Variants in ATAD3A observed in about 807,000 individuals in gnomAD.
The protein encoded by ATAD3A is ATPase family AAA domain-containing protein 3A.
Under a neutral mutation model 73.8 loss-of-function variants are expected in ATAD3A, and 46 were observed. The observed-to-expected ratio is 0.62, with a 90% CI of 0.49 to 0.80. The LOEUF (loss-of-function observed/expected upper bound fraction) is 0.80, where lower values mean the gene tolerates loss of function less well. Among genes scored for constraint, ATAD3A ranks in the 30% least tolerant of loss-of-function variants. The pLI, the probability that ATAD3A is intolerant of heterozygous loss-of-function variation, is 0.00. For missense variants in ATAD3A, 705 were observed against 838.0 expected (o/e 0.84, Z 1.96); for synonymous variants, 319 against 350.0 (o/e 0.91, Z 0.99).
intron 1 of ATAD3A, among the ~76,000 whole-genome samples, chr1:1,513,991 A>C (rs1263758884): frequency 6.6e-6 from 1 of 151,738 alleles, no homozygotes; most frequent in Non-Finnish European, 1.5e-5. Flanking sequence ...TTATCCCAGA[A>C]CTGTCTGTGA....
chr1:1,530,966 G>A (rs937916700), intron 15 of ATAD3A, among the ~76,000 whole-genome samples: 1 of 151,892 alleles, frequency 6.6e-6, no homozygotes, highest in African/African-American at 2.4e-5. Flanking sequence ...GAGCAGCCTG[G>A]CCAACAAGGC....
chr1:1,518,666 TAC>T (rs113798902), intron 4 of ATAD3A, among the ~76,000 whole-genome samples: 1,301 of 41,064 alleles, frequency 0.032, 15 homozygotes, highest in East Asian at 0.076. Flanking sequence ...CCCGCACGGG[TAC>T]ACACACACAC....
At position 1,520,086 on chromosome 1, in the gene ATAD3A, G is replaced by A. The variant is rs562447748; in HGVS notation, c.515-55G>A. 13 of 1,563,336 alleles carry A rather than the reference G, an allele frequency of 8.3e-6. No homozygotes were observed. In the African/African-American group the frequency reaches 1.5e-4, roughly 18 times the overall value. On this transcript the variant is annotated intron_variant, in intron 5 of 15. Coordinates refer to ENST00000378756, the MANE Select transcript of ATAD3A (RefSeq NM_001170535.3). The surrounding 1 kb of genome is among the most constrained non-coding windows in gnomAD (Gnocchi z 4.0). ...GCGTGGGCCGGTCCACAGTGTGGGT[G>A]GAGGTGGACGCGCTGCACTGCATGG...
rs1195234862 is a variant in ATAD3A at position 1,520,727 on chromosome 1, C to T, written c.750+110C>T. On this transcript the variant is annotated intron_variant, in intron 7 of 15. Coordinates refer to ENST00000378756, the MANE Select transcript of ATAD3A (RefSeq NM_001170535.3). This position sits in a 1 kb window ranked among gnomAD's most constrained non-coding sequence, Gnocchi z 4.0. ...CGGCTCTGCACAGCCCTGTAGCTCTCCCAGCAGGGAGGAAGCCCACGTTGT... is the reference window on the plus strand; with the variant it reads ...CGGCTCTGCACAGCCCTGTAGCTCTTCCAGCAGGGAGGAAGCCCACGTTGT... 1.3e-6 allele frequency: 2 copies of T among 1,539,408 alleles called. No individual in the cohort carries two copies. The highest frequency in any genetic ancestry group is 2.3e-5 in the East Asian group (1 of 43,500).
Position 1,520,347 on chromosome 1 carries a change from C to T in ATAD3A, c.680+41C>T. The stretch of plus-strand genomic sequence containing the variant: ...GCCCGGGCCGGCCACAGATGGAGCC[C>T]CGCAGGTGTGAGTCGCTGGTCCCAG... On this transcript the variant is annotated intron_variant, in intron 6 of 15. Coordinates refer to ENST00000378756, the MANE Select transcript of ATAD3A (RefSeq NM_001170535.3). The surrounding 1 kb of genome is among the most constrained non-coding windows in gnomAD (Gnocchi z 4.0). The T allele has an allele frequency of 6.2e-7, 1 of 1,604,138 alleles. No individual in the cohort carries two copies.
intron 15 of ATAD3A, among the ~76,000 whole-genome samples, chr1:1,531,727 G>A (rs1158977025): frequency 1.3e-5 from 2 of 151,878 alleles, no homozygotes; most frequent in Non-Finnish European, 2.9e-5. Flanking sequence ...GCAGTGAGCC[G>A]AGATCGCACC....
chr1:1,527,771 C>T lies in ATAD3A; in HGVS notation c.1414C>T (p.His472Tyr). The T allele has an allele frequency of 1.2e-6, 2 of 1,613,958 alleles. No homozygotes were observed. The highest frequency in any genetic ancestry group is 1.7e-6 in the Non-Finnish European group (2 of 1,179,962). ...CAATGACCGCATCAATGAGATGGTC[C>T]ACTTCGACCTGCCAGGGCAGGAGGA... ...AINDRINEMV[H>Y]FDLPGQEERE... is the part of the protein sequence containing the mutation. The change falls in exon 14 of 16, where the codon CAC (histidine) becomes TAC (tyrosine). Residue 472 changes from histidine (H) to tyrosine (Y), a missense_variant. Physicochemically the swap from His to Tyr is moderately conservative, Grantham distance 83. This residue lies in a region of ATAD3A where 252 missense variants were observed against 278.5 expected (regional missense o/e 0.90). Coordinates refer to ENST00000378756, the MANE Select transcript of ATAD3A (RefSeq NM_001170535.3).
At chr1:1,513,195 T>C (rs1258843864) in intron 1 of ATAD3A, among the ~76,000 whole-genome samples, 13 of 152,348 alleles carry the variant, frequency 8.5e-5, no homozygotes, top group Non-Finnish European at 2.9e-5. Context: ...AATCAAGGGC[T>C]GGACTTCAGG....
chr1:1,530,160 A>C (rs541533772), intron 15 of ATAD3A, among the ~76,000 whole-genome samples: 3 of 152,200 alleles, frequency 2.0e-5, no homozygotes, highest in East Asian at 1.9e-4. Context: ...AGAGCCCCAG[A>C]TCTCAAACCC....
chr1:1,531,499 C>T (rs143365565), intron 15 of ATAD3A, among the ~76,000 whole-genome samples: 3,424 of 148,374 alleles, frequency 0.023, 129 homozygotes, highest in African/African-American at 0.08. Flanking sequence ...GCTGGACGGG[C>T]GCGGTGGCTC....
chr1:1,527,187 C>G, intron 13 of ATAD3A: 3 of 1,302,804 alleles, frequency 2.3e-6, no homozygotes, highest in Non-Finnish European at 3.0e-6. Flanking sequence ...CACGGAGGAT[C>G]AAGTCCTGCT....
chr1:1,531,527 A>C (rs1642033262), intron 15 of ATAD3A, among the ~76,000 whole-genome samples: 1 of 152,040 alleles, frequency 6.6e-6, no homozygotes, highest in Non-Finnish European at 1.5e-5. Flanking sequence ...TAATCCCAGC[A>C]CTTTGGGAGG....
rs763448437 is a variant in ATAD3A at position 1,529,211 on chromosome 1, C to T, written c.1506-12C>T. On this transcript the variant is annotated splice_polypyrimidine_tract_variant and intron_variant, in intron 14 of 15. Coordinates refer to ENST00000378756, the MANE Select transcript of ATAD3A (RefSeq NM_001170535.3). The stretch of plus-strand genomic sequence containing the variant: ...CTGCCTTGGCCGGCCCACTTGGGAA[C>T]TCCTTCCCCAGGCGCCTGAAGCTGG... 1 of 1,607,658 alleles carries T rather than the reference C, an allele frequency of 6.2e-7. No individual in the cohort carries two copies. Among genetic ancestry groups the T allele is most frequent in the South Asian group, 1.1e-5 (1 of 89,692 alleles).
At chr1:1,527,060 G>A (rs553212995) in intron 13 of ATAD3A, 10 of 762,940 alleles carry the variant, frequency 1.3e-5, no homozygotes, top group African/African-American at 1.1e-4. Context: ...GTGGGCTGCC[G>A]CCCAGAGGTC....
Position 1,520,005 on chromosome 1 carries a change from C to A in ATAD3A, c.515-136C>A. 5 of 1,437,372 alleles carry A rather than the reference C, an allele frequency of 3.5e-6. No homozygotes were observed. The highest frequency in any genetic ancestry group is 4.7e-6 in the Non-Finnish European group (5 of 1,074,472). The allele number at this position is 1,437,372 out of a possible 1,614,324, so 89.0% of individuals were successfully genotyped here. A position where few individuals can be genotyped will look rare whatever the true frequency, so the allele number is the denominator to read the frequency against. On this transcript the variant is annotated intron_variant, in intron 5 of 15. Coordinates refer to ENST00000378756, the MANE Select transcript of ATAD3A (RefSeq NM_001170535.3). This position sits in a 1 kb window ranked among gnomAD's most constrained non-coding sequence, Gnocchi z 4.0. ...GGGCCTGTCCATGGCGTGGGCCGGT[C>A]CGTGGCATGGGCCTGTCTGTGGCGT...
At position 1,517,186 on chromosome 1, in the gene ATAD3A, G is replaced by A. The variant is rs1619896; in HGVS notation, c.283-125G>A. ...GTGCAGATGCGGCTGGAAGCCCTGAGCCTGCTGCACACACTAGTCTGGGCA... is the reference window on the plus strand; with the variant it reads ...GTGCAGATGCGGCTGGAAGCCCTGAACCTGCTGCACACACTAGTCTGGGCA... On this transcript the variant is annotated intron_variant, in intron 2 of 15. Transcript: ENST00000378756. 0.014 allele frequency: 21,750 copies of A among 1,506,250 alleles called. 3,726 individuals carry two copies. In the East Asian group the frequency reaches 0.2, roughly 14 times the overall value. The allele number at this position is 1,506,250 out of a possible 1,614,324, so 93.3% of individuals were successfully genotyped here.
At chr1:1,533,595 T>G (rs1642108810) in intron 15 of ATAD3A, among the ~76,000 whole-genome samples, 1 of 152,132 alleles carries the variant, frequency 6.6e-6, no homozygotes, top group South Asian at 2.1e-4. Context: ...TGGCCACGGC[T>G]GAGACTCGCA....
At chr1:1,526,782 C>G (rs1366612514) in intron 13 of ATAD3A, among the ~76,000 whole-genome samples, 1 of 152,242 alleles carries the variant, frequency 6.6e-6, no homozygotes, top group Non-Finnish European at 1.5e-5. Flanking sequence ...GCGCCGCCGC[C>G]CCAGCTTGCA....
In ATAD3A at chr1:1,525,252, T is replaced by C. The variant is rs575132198; in HGVS notation, c.1227T>C (p.Phe409=). 6.3e-5 allele frequency: 101 copies of C among 1,613,846 alleles called. No individual in the cohort carries two copies. In the African/African-American group the frequency reaches 7.6e-4, roughly 12 times the overall value. The change falls in exon 12 of 16, where the codon TTT becomes TTC. Residue 409 remains phenylalanine (F), a synonymous_variant. Coordinates refer to ENST00000378756, the MANE Select transcript of ATAD3A (RefSeq NM_001170535.3). ...ANTSRRGLLL[F]VDEADAFLRK... ...CTCTCGTTCACAGCCTCCTGCTCTT[T>C]GTGGATGAAGCGGACGCCTTCCTTC... is the stretch of plus-strand genomic sequence containing the variant.
Sources: allele counts gnomAD v4.1 joint callset (sites outside exome capture counted in the v4.1 genomes callset), GRCh38; gene constraint gnomAD v4.1.1; regional missense constraint gnomAD v4.1.1; non-coding constraint Gnocchi (gnomAD v3.1); transcripts MANE v1.5; gene names NCBI Gene and HGNC (gene_info 2026-07-23, HGNC 2026-07-21).